Variants in TJP3 observed in about 807,000 individuals in gnomAD.
TJP3 encodes tight junction protein 3.
TJP3 carries 85 observed loss-of-function variants against 104.2 expected under a neutral mutation model. The observed-to-expected ratio is 0.82, with a 90% CI of 0.68 to 0.98. TJP3 has a LOEUF of 0.98. Ranked by LOEUF, TJP3 falls within the 50% of genes least tolerant of loss-of-function variation. TJP3 has a pLI of 0.00. For missense variants in TJP3, 1,367 were observed against 1,322.8 expected (o/e 1.03, Z -0.52); for synonymous variants, 550 against 550.6 (o/e 1.00, Z 0.02).
chr19:3,716,953 C>G (rs1262885404), intron 1 of TJP3, among the ~76,000 whole-genome samples: 2 of 136,240 alleles, frequency 1.5e-5, no homozygotes, highest in African/African-American at 5.0e-5. Context: ...CGGGTGCCAA[C>G]ACGCCCAGGT....
In TJP3 at chr19:3,740,736, C is replaced by T. The variant is rs2036804652; in HGVS notation, c.1816C>T (p.Pro606Ser). ...TCTGACCCGACAGGGCCGCTACCCGCCCTACGAACGAGTGGTGTTGCGAGA... is the reference window on the plus strand; with the variant it reads ...TCTGACCCGACAGGGCCGCTACCCGTCCTACGAACGAGTGGTGTTGCGAGA... ...SALTRQGRYP[P>S]YERVVLREAS... Residue 606 changes from proline (P) to serine (S), a missense_variant, in exon 14 of 21, where the codon CCC (proline) becomes TCC (serine). Pro to Ser is a moderately conservative substitution (Grantham distance 74). Transcript: ENST00000541714. 1.3e-6 allele frequency: 2 copies of T among 1,592,556 alleles called. No individual in the cohort carries two copies. Among genetic ancestry groups the T allele is most frequent in the Non-Finnish European group, 1.7e-6 (2 of 1,170,428 alleles).
At chr19:3,714,584 C>A (rs552299524) in intron 1 of TJP3, among the ~76,000 whole-genome samples, 1 of 151,934 alleles carries the variant, frequency 6.6e-6, no homozygotes, top group African/African-American at 2.4e-5. Flanking sequence ...GGGAGACAGA[C>A]AATAATTGAA....
At chr19:3,717,425 AT>A (rs2036490134) in intron 1 of TJP3, among the ~76,000 whole-genome samples, 3 of 138,982 alleles carry the variant, frequency 2.2e-5, no homozygotes, top group African/African-American at 5.3e-5. Context: ...ATATATATAT[AT>A]ATAATTTTAT....
chr19:3,721,738 G>C, intron 1 of TJP3: 1 of 387,972 alleles, frequency 2.6e-6, no homozygotes, highest in Non-Finnish European at 4.5e-6. Context: ...GGCAGGTGCA[G>C]CCGGGAGCTG....
chr19:3,747,244 A>C (rs2036910492), intron 18 of TJP3, among the ~76,000 whole-genome samples: 1 of 151,998 alleles, frequency 6.6e-6, no homozygotes, highest in Admixed American at 6.6e-5. Flanking sequence ...TATTTTTAGC[A>C]GAGACGAGGT....
At chr19:3,736,104 T>C (rs2036735247) in intron 10 of TJP3, 61 bp from the exon 11 acceptor site, 4 of 1,565,088 alleles carry the variant, frequency 2.6e-6, no homozygotes, top group Middle Eastern at 1.7e-4. Flanking sequence ...CCAAGGACAA[T>C]GCTGAGCCCT....
At chr19:3,737,734 G>T (rs2036755253) in intron 11 of TJP3, among the ~76,000 whole-genome samples, 1 of 152,198 alleles carries the variant, frequency 6.6e-6, no homozygotes, top group Non-Finnish European at 1.5e-5. Context: ...CTGGCTGGGT[G>T]AAAACTTGAT....
rs753260962 is a variant in TJP3 at position 3,730,565 on chromosome 19, G to A, written c.472G>A (p.Gly158Ser). The change falls in exon 5 of 21, where the codon GGC (glycine) becomes AGC (serine). Residue 158 changes from glycine (G) to serine (S), a missense_variant. Physicochemically the swap from Gly to Ser is moderately conservative, Grantham distance 56. Coordinates refer to ENST00000541714, the MANE Select transcript of TJP3 (RefSeq NM_001267560.2). This position sits in a 1 kb window ranked among gnomAD's most constrained non-coding sequence, Gnocchi z 7.3. Reference sequence around the variant, plus strand: ...GAGGCCTGGTCGCCGGGGCCGGGCCGGCAGCCATGGGCGTAGGAGCCCAGG... The same window carrying A: ...GAGGCCTGGTCGCCGGGGCCGGGCCAGCAGCCATGGGCGTAGGAGCCCAGG... ...RPRPGRRGRAGSHGRRSPGGG... is the reference protein window; with the variant it reads ...RPRPGRRGRASSHGRRSPGGG... 4.5e-5 allele frequency: 73 copies of A among 1,606,386 alleles called. No homozygotes were observed. The highest frequency in any genetic ancestry group is 1.5e-4 in the South Asian group (14 of 90,908).
Position 3,728,534 on chromosome 19 carries a change from A to G in TJP3, c.48+54A>G, listed in dbSNP as rs1374875204. On this transcript the variant is annotated intron_variant, in intron 2 of 20. Coordinates refer to ENST00000541714, the MANE Select transcript of TJP3 (RefSeq NM_001267560.2). Reference sequence around the variant, plus strand: ...CCAGAGAGTATGGCGGCTTAGGCCCAGCTCAATAGAGGGGAGACCCTTTAC... The same window carrying G: ...CCAGAGAGTATGGCGGCTTAGGCCCGGCTCAATAGAGGGGAGACCCTTTAC... 5.6e-6 allele frequency: 9 copies of G among 1,597,594 alleles called. No individual in the cohort carries two copies. The South Asian group carries it at 1.0e-4, about 18-fold the overall frequency.
chr19:3,723,804 AAAAAATAT>A (rs1030237600), intron 1 of TJP3, among the ~76,000 whole-genome samples: 2 of 91,278 alleles, frequency 2.2e-5, no homozygotes, highest in African/African-American at 6.8e-5. Flanking sequence ...AAAGAAAAAA[AAAAAATAT>A]ATATATATAT....
At chr19:3,710,491 G>C (rs1243891166) in intron 1 of TJP3, among the ~76,000 whole-genome samples, 2 of 152,220 alleles carry the variant, frequency 1.3e-5, no homozygotes, top group Non-Finnish European at 2.9e-5. Context: ...TCTCGAGAAA[G>C]TCCTGCCCCC....
chr19:3,728,805 C>A, intron 3 of TJP3, 92 bp downstream of exon 3: 1 of 1,396,284 alleles, frequency 7.2e-7, no homozygotes, highest in Non-Finnish European at 9.9e-7. Context: ...GTCATCCCAG[C>A]ACTTTGCGAG....
rs2036662548 is a variant in TJP3 at position 3,730,810 on chromosome 19, G to A, written c.613+104G>A. The stretch of plus-strand genomic sequence containing the variant: ...ATTCTCCTGCCTCAGCCTCCCTGGT[G>A]GCTGGGACTCCAGGCGCCCGCCACC... On this transcript the variant is annotated intron_variant, in intron 5 of 20. Coordinates refer to ENST00000541714, the MANE Select transcript of TJP3 (RefSeq NM_001267560.2). The surrounding 1 kb of genome is among the most constrained non-coding windows in gnomAD (Gnocchi z 7.3). The A allele has an allele frequency of 2.3e-6, 3 of 1,288,744 alleles. No homozygotes were observed. Among genetic ancestry groups the A allele is most frequent in the Non-Finnish European group, 3.1e-6 (3 of 960,278 alleles). The allele number at this position is 1,288,744 out of a possible 1,614,324, so 79.8% of individuals were successfully genotyped here.
At chr19:3,744,168 C>T (rs920661219) in intron 15 of TJP3, 134 bp downstream of exon 15, 2 of 704,472 alleles carry the variant, frequency 2.8e-6, no homozygotes, top group Non-Finnish European at 2.4e-6. Flanking sequence ...CCCCCCAATA[C>T]CCAAGCCAGA....
At chr19:3,732,090 C>G (rs376845268) in intron 6 of TJP3, 52 bp downstream of exon 6, 4 of 1,509,626 alleles carry the variant, frequency 2.6e-6, no homozygotes, top group African/African-American at 1.4e-5. Context: ...AGGGTTGGGG[C>G]GGGCAGTCCC....
chr19:3,740,626 A>C lies in TJP3; in HGVS notation c.1706A>C (p.Asn569Thr), dbSNP rs201222873. The change falls in exon 14 of 21, where the codon AAT (asparagine) becomes ACT (threonine). Residue 569 changes from asparagine (N) to threonine (T), a missense_variant. Physicochemically the swap from Asn to Thr is moderately conservative, Grantham distance 65 (BLOSUM62 0). Transcript: ENST00000541714. Reference sequence around the variant, plus strand: ...GGGCCCGGCTCCTCCGCGGGCTCCAATGCTCGGGCCGAGTTCTGGCGGCTG... The same window carrying C: ...GGGCCCGGCTCCTCCGCGGGCTCCACTGCTCGGGCCGAGTTCTGGCGGCTG... ...GVGPGSSAGS[N>T]ARAEFWRLRG... is the part of the protein sequence containing the mutation. 3.8e-6 allele frequency: 6 copies of C among 1,590,504 alleles called. No homozygotes were observed. The highest frequency in any genetic ancestry group is 5.1e-6 in the Non-Finnish European group (6 of 1,170,104).
Position 3,746,864 on chromosome 19 carries a change from G to T in TJP3, c.2310G>T (p.Thr770=). The T allele has an allele frequency of 1.9e-6, 3 of 1,608,226 alleles. No individual in the cohort carries two copies. Among genetic ancestry groups the T allele is most frequent in the Non-Finnish European group, 2.5e-6 (3 of 1,177,556 alleles). Reference sequence around the variant, plus strand: ...AGCAGCAGACGCGGCCCATCTGGACGGCGGAAGATCAGGTACTGCCGCGGT... The same window carrying T: ...AGCAGCAGACGCGGCCCATCTGGACTGCGGAAGATCAGGTACTGCCGCGGT... The part of the protein sequence containing the change: ...IREQQTRPIW[T]AEDQLDGSLE... Residue 770 remains threonine (T), a synonymous_variant, in exon 18 of 21, where the codon ACG becomes ACT. Transcript: ENST00000541714. This position sits in a 1 kb window ranked among gnomAD's most constrained non-coding sequence, Gnocchi z 4.1.
At position 3,739,088 on chromosome 19, in the gene TJP3, C is replaced by A; in HGVS notation, c.1585C>A (p.Arg529Ser). The change falls in exon 13 of 21, where the codon CGT (arginine) becomes AGT (serine). Residue 529 changes from arginine (R) to serine (S), a missense_variant. By Grantham distance (110) the Arg-to-Ser change is moderately radical. Coordinates refer to ENST00000541714, the MANE Select transcript of TJP3 (RefSeq NM_001267560.2). ...CCACTGGCTGGCGGTGCGCATGGGT[C>A]GTGACCTGCGGGAGCAAGAGCGGGG... is the stretch of plus-strand genomic sequence containing the variant. The part of the protein sequence containing the change: ...GGHWLAVRMG[R>S]DLREQERGII... 1 of 1,592,980 alleles carries A rather than the reference C, an allele frequency of 6.3e-7. No individual in the cohort carries two copies. The highest frequency in any genetic ancestry group is 1.1e-5 in the South Asian group (1 of 89,448).
rs1295727705 is a variant in TJP3, at chr19:3,740,629, C to T, written c.1709C>T (p.Ala570Val). 1.9e-6 allele frequency: 3 copies of T among 1,592,840 alleles called. No homozygotes were observed. Among genetic ancestry groups the T allele is most frequent in the Non-Finnish European group, 1.7e-6 (2 of 1,171,034 alleles). The change falls in exon 14 of 21, where the codon GCT (alanine) becomes GTT (valine). Residue 570 changes from alanine (A) to valine (V), a missense_variant. Coordinates refer to ENST00000541714, the MANE Select transcript of TJP3 (RefSeq NM_001267560.2). ...VGPGSSAGSN[A>V]RAEFWRLRGL... ...CCCGGCTCCTCCGCGGGCTCCAATG[C>T]TCGGGCCGAGTTCTGGCGGCTGCGG...
Sources: gnomAD v4.1 joint callset for allele counts (sites outside exome capture counted in the v4.1 genomes callset) on GRCh38, gnomAD v4.1.1 for gene constraint, Gnocchi (gnomAD v3.1) non-coding constraint, MANE v1.5 for transcripts, NCBI Gene and HGNC (gene_info 2026-07-23, HGNC 2026-07-21) for gene names.